Variants in PI4KB observed in about 807,000 individuals in gnomAD.
The protein encoded by PI4KB is PtdIns 4-kinase beta.
Under a neutral mutation model 81.4 loss-of-function variants are expected in PI4KB, and 23 were observed. The ratio of observed to expected loss-of-function variants is 0.28; its 90% CI spans 0.20 to 0.40. The LOEUF is 0.40. Ranked by LOEUF, PI4KB falls within the 10% of genes least tolerant of loss-of-function variation. PI4KB has a pLI of 1.00. For synonymous variants in PI4KB, 381 were observed against 406.8 expected, an observed-to-expected ratio of 0.94 and a Z score of 0.76; for missense variants, 651 against 1,036.6, an observed-to-expected ratio of 0.63 and a Z score of 5.11.
chr1:151,292,329 C>T lies in PI4KB; in HGVS notation c.*523G>A, dbSNP rs998500908. ...GCAAGTGCAGGGCCCACGCAGCGCC[C>T]GCCAGCAAGGGGAGCTTGGGCCAGG... is the stretch of plus-strand genomic sequence containing the variant. On this transcript the variant is annotated 3_prime_UTR_variant, in exon 12 of 12. Transcript: ENST00000368873. 5 of 156,514 alleles carry T rather than the reference C, an allele frequency of 3.2e-5. No individual in the cohort carries two copies. Among genetic ancestry groups the T allele is most frequent in the Non-Finnish European group, 5.7e-5 (4 of 70,792 alleles). 9.7% of individuals were successfully genotyped at this position (156,514 alleles called of 1,614,324 possible).
intron 1 of PI4KB, among the ~76,000 whole-genome samples, chr1:151,325,805 T>G (rs944168819): frequency 6.6e-6 from 1 of 152,176 alleles, no homozygotes; most frequent in African/African-American, 2.4e-5. Flanking sequence ...TGTAAACAAA[T>G]AAACCAAATC....
In PI4KB at chr1:151,316,327, C is replaced by A. The variant is rs1256233305; in HGVS notation, c.155G>T (p.Cys52Phe). ...CTTGACTTTCTCCAACACCTCCTGG[C>A]AGGCCTTCTGGGCCACCTCAGGGTC... is the stretch of plus-strand genomic sequence containing the variant. ...VIDPEVAQKA[C>F]QEVLEKVKLL... is the part of the protein sequence containing the mutation. Residue 52 changes from cysteine to phenylalanine, a missense_variant, in exon 2 of 12, where the codon TGC (cysteine) becomes TTC (phenylalanine). Physicochemically the swap from Cys to Phe is radical, Grantham distance 205. Coordinates refer to ENST00000368873, the MANE Select transcript of PI4KB (RefSeq NM_001369623.2). 1 of 1,613,908 alleles carries A rather than the reference C, an allele frequency of 6.2e-7. No homozygotes were observed. Among genetic ancestry groups the A allele is most frequent in the African/African-American group, 1.3e-5 (1 of 75,066 alleles).
Position 151,292,766 on chromosome 1 carries a change from G to A in PI4KB, c.*86C>T, listed in dbSNP as rs1023815557. 1 of 1,212,598 alleles carries A rather than the reference G, an allele frequency of 8.2e-7. No homozygotes were observed. Among genetic ancestry groups the A allele is most frequent in the African/African-American group, 1.5e-5 (1 of 66,200 alleles). 75.1% of individuals were successfully genotyped at this position (1,212,598 alleles called of 1,614,324 possible). A position where few individuals can be genotyped will look rare whatever the true frequency, so the allele number is the denominator to read the frequency against. ...CCTTGGGTGGATGGTTGGGTAGGTG[G>A]GGTTTCCTGGTTTGGGGTTTCTCAG... On this transcript the variant is annotated 3_prime_UTR_variant, in exon 12 of 12. Coordinates refer to ENST00000368873, the MANE Select transcript of PI4KB (RefSeq NM_001369623.2).
At chr1:151,297,390 A>G (rs56300721) in intron 9 of PI4KB, among the ~76,000 whole-genome samples, 3 of 25,694 alleles carry the variant, frequency 1.2e-4, no homozygotes. Flanking sequence ...TGCCCAGACT[A>G]AAGTACTGTG....
chr1:151,306,110 G>C, intron 5 of PI4KB, 26 bp downstream of exon 5: 1 of 1,565,758 alleles, frequency 6.4e-7, no homozygotes, highest in Non-Finnish European at 8.8e-7. Flanking sequence ...CTGTGACCCA[G>C]CATTACCTCC....
chr1:151,315,576 A>G lies in PI4KB; in HGVS notation c.906T>C (p.Asp302=). 1 of 1,612,642 alleles carries G rather than the reference A, an allele frequency of 6.2e-7. No homozygotes were observed. The highest frequency in any genetic ancestry group is 8.5e-7 in the Non-Finnish European group (1 of 1,178,982). Residue 302 remains aspartate, a synonymous_variant, in exon 2 of 12, where the codon GAT becomes GAC. Transcript: ENST00000368873. ...CTGGCCCTCCCCAGAATTTTACCTC[A>G]TCCTCATTCTCCACTTTAGGGTTGC... The part of the protein sequence containing the change: ...TASNPKVENE[D]EELSSSTESI...
chr1:151,327,447 G>A, upstream of PI4KB: 1 of 397,412 alleles, frequency 2.5e-6, no homozygotes, highest in Non-Finnish European at 4.4e-6. Flanking sequence ...GCCTGAGGGG[G>A]CCTTCAGGCT....
intron 1 of PI4KB, 79 bp from the exon 2 acceptor site, chr1:151,316,588 TC>T: frequency 9.8e-7 from 1 of 1,023,396 alleles, no homozygotes; most frequent in Non-Finnish European, 1.4e-6. Flanking sequence ...CCTCAGATCT[TC>T]CCTTTGCTAT....
intron 8 of PI4KB, 24 bp from the exon 9 acceptor site, chr1:151,299,097 A>C (rs756949950): frequency 1.7e-5 from 28 of 1,605,626 alleles, no homozygotes; most frequent in Non-Finnish European, 8.5e-6. Context: ...TGGAGGATAC[A>C]GGACTCTTAT....
chr1:151,293,272 C>T, intron 11 of PI4KB: 1 of 1,405,336 alleles, frequency 7.1e-7, no homozygotes. Context: ...AGGGGACCAA[C>T]ACCACATCTC....
intron 11 of PI4KB, chr1:151,293,284 C>A: frequency 7.2e-7 from 1 of 1,392,044 alleles, no homozygotes; most frequent in Non-Finnish European, 9.4e-7. Context: ...CCACATCTCC[C>A]TCAGTAAGGG....
chr1:151,326,362 G>A, intron 1 of PI4KB: 1 of 589,500 alleles, frequency 1.7e-6, no homozygotes, highest in Non-Finnish European at 3.0e-6. Flanking sequence ...TTAGTTCAAG[G>A]TTTAGTTGAT....
intron 11 of PI4KB, 133 bp from the exon 12 acceptor site, chr1:151,293,166 AGT>A (rs1694447808): frequency 6.7e-7 from 1 of 1,492,352 alleles, no homozygotes; most frequent in African/African-American, 1.4e-5. Flanking sequence ...ATGTGGGTGC[AGT>A]TCTGCTTGGG....
intron 1 of PI4KB, among the ~76,000 whole-genome samples, chr1:151,318,934 C>T (rs1252294973): frequency 6.6e-6 from 1 of 152,142 alleles, no homozygotes; most frequent in Non-Finnish European, 1.5e-5. Flanking sequence ...CATGACATCA[C>T]ACCCTCTTTC....
intron 4 of PI4KB, among the ~76,000 whole-genome samples, chr1:151,307,142 TC>T (rs1695841507): frequency 1.3e-5 from 2 of 152,150 alleles, no homozygotes; most frequent in African/African-American, 4.8e-5. Context: ...GCTAATTCTC[TC>T]CAGTGTGAAT....
In PI4KB at chr1:151,294,165, C is replaced by T. The variant is rs765828718; in HGVS notation, c.2149-27G>A. ...TGGAAAGGGAAGAGAGCGTTGTGTG[C>T]ACAAGGGGTCTTACACCGGGGATGG... On this transcript the variant is annotated intron_variant, in intron 10 of 11. Coordinates refer to ENST00000368873, the MANE Select transcript of PI4KB (RefSeq NM_001369623.2). 7 of 1,602,504 alleles carry T rather than the reference C, an allele frequency of 4.4e-6. No homozygotes were observed. In the African/African-American group the frequency reaches 5.3e-5, roughly 12 times the overall value.
intron 3 of PI4KB, among the ~76,000 whole-genome samples, chr1:151,308,896 T>C (rs1365320529): frequency 6.6e-6 from 1 of 152,204 alleles, no homozygotes; most frequent in Admixed American, 6.5e-5. Flanking sequence ...TTTCTATCCT[T>C]GCTCCCTCGA....
intron 8 of PI4KB, among the ~76,000 whole-genome samples, chr1:151,300,089 CAAT>C (rs1371843475): frequency 6.6e-6 from 1 of 152,222 alleles, no homozygotes; most frequent in Non-Finnish European, 1.5e-5. Flanking sequence ...CCCATGTTTA[CAAT>C]GATTGTGCCA....
Position 151,307,764 on chromosome 1 carries a change from G to C in PI4KB, c.992C>G (p.Ser331Cys). The C allele has an allele frequency of 6.2e-7, 1 of 1,614,152 alleles. No individual in the cohort carries two copies. The highest frequency in any genetic ancestry group is 8.5e-7 in the Non-Finnish European group (1 of 1,179,986). Reference protein sequence around the residue: ...RLAPEREFIKSLMAIGKRLAT... With the variant: ...RLAPEREFIKCLMAIGKRLAT... ...CAGCCGCTTGCCGATCGCCATCAGG[G>C]ACTTGATGAATTCTCTCTCAGGAGC... Residue 331 changes from serine (S) to cysteine (C), a missense_variant, in exon 4 of 12, where the codon TCC becomes TGC. By Grantham distance (112) the Ser-to-Cys change is moderately radical (BLOSUM62 -1). Coordinates refer to ENST00000368873, the MANE Select transcript of PI4KB (RefSeq NM_001369623.2).
Sources: allele counts gnomAD v4.1 joint callset (sites outside exome capture counted in the v4.1 genomes callset), GRCh38; gene constraint gnomAD v4.1.1; transcripts MANE v1.5; gene names NCBI Gene and HGNC (gene_info 2026-07-23, HGNC 2026-07-21).